The following PWWP3A variants were observed in gnomAD, a reference collection of about 807,000 sequenced individuals.
The protein encoded by PWWP3A is PWWP domain containing 3A, DNA repair factor, also known as PWWP domain-containing DNA repair factor 3A.
PWWP3A carries 53 observed loss-of-function variants against 79.0 expected under a neutral mutation model. That is an observed-to-expected ratio of 0.67 (90% CI 0.54 to 0.84). The LOEUF (loss-of-function observed/expected upper bound fraction) is 0.84. PWWP3A is among the 40% of genes least tolerant of loss of function. PWWP3A has a pLI of 0.00. For synonymous variants in PWWP3A, 443 were observed against 394.4 expected (o/e 1.12, Z -1.46); for missense variants, 973 against 948.0 (o/e 1.03, Z -0.35).
chr19:1,366,503 G>A lies in PWWP3A; in HGVS notation c.1361+122G>A, dbSNP rs150813335. The A allele has an allele frequency of 3.8e-4, 327 of 866,608 alleles. 4 individuals are homozygous for A. In the Middle Eastern group the frequency reaches 0.016, roughly 42 times the overall value. The allele number at this position is 866,608 out of a possible 1,614,324, so 53.7% of individuals were successfully genotyped here. A position where few individuals can be genotyped will look rare whatever the true frequency, so the allele number is the denominator to read the frequency against. ...AGGCCCCGGCAGGAGTCCAGGCCCG[G>A]GCAGGGCTAGTGAGGTCTCACTGGA... On this transcript the variant is annotated intron_variant, in intron 8 of 13. Transcript: ENST00000591337.
At chr19:1,370,559 G>T (rs925222964) in intron 11 of PWWP3A, 83 bp from the exon 12 acceptor site, 1 of 1,272,228 alleles carries the variant, frequency 7.9e-7, no homozygotes, top group Non-Finnish European at 1.1e-6. Flanking sequence ...CTGCCATGTC[G>T]CAGCCTCCCA....
Position 1,369,316 on chromosome 19 carries a change from A to G in PWWP3A, c.1474A>G (p.Ile492Val), listed in dbSNP as rs1180592665. 6.2e-7 allele frequency: 1 copy of G among 1,613,916 alleles called. No individual in the cohort carries two copies. Among genetic ancestry groups the G allele is most frequent in the African/African-American group, 1.3e-5 (1 of 75,050 alleles). Reference protein sequence around the residue: ...NQDIGWCVSLITDYRVRLGCG... With the variant: ...NQDIGWCVSLVTDYRVRLGCG... ...GGACATCGGCTGGTGTGTCTCCCTC[A>G]TCACCGACTACAGGGTCCGGTTAGG... Residue 492 changes from isoleucine (I) to valine (V), a missense_variant, in exon 10 of 14, where the codon ATC becomes GTC. Physicochemically the swap from Ile to Val is conservative, Grantham distance 29. Transcript: ENST00000591337. This position sits in a 1 kb window ranked among gnomAD's most constrained non-coding sequence, Gnocchi z 4.0.
chr19:1,362,418 C>T (rs899952400), intron 6 of PWWP3A, 67 bp downstream of exon 6: 72 of 1,241,792 alleles, frequency 5.8e-5, no homozygotes, highest in South Asian at 4.4e-4. Flanking sequence ...GGCGGGGCTC[C>T]GAGACCGGGC....
At chr19:1,364,164 C>G (rs151043832) in intron 6 of PWWP3A, 2 of 541,752 alleles carry the variant, frequency 3.7e-6, no homozygotes, top group Admixed American at 3.8e-5. Context: ...TGTCTTCCCG[C>G]GGGGTTTAGA....
At chr19:1,376,472 AAC>A (rs1325597343) in intron 13 of PWWP3A, 45 bp from the exon 14 acceptor site, 2 of 1,595,180 alleles carry the variant, frequency 1.3e-6, no homozygotes, top group Non-Finnish European at 8.6e-7. Context: ...CATATTCTTT[AAC>A]ACACAATGAT....
chr19:1,359,841 C>T (rs1335862926), intron 4 of PWWP3A: 5 of 263,074 alleles, frequency 1.9e-5, no homozygotes, highest in Non-Finnish European at 3.5e-5. Flanking sequence ...ATACATTTTG[C>T]TCACGGTATT....
At chr19:1,376,311 G>GTTTTTTTTTTTTTTTTT (rs371207367) in intron 13 of PWWP3A, among the ~76,000 whole-genome samples, 2 of 69,888 alleles carry the variant, frequency 2.9e-5, no homozygotes, top group South Asian at 6.0e-4. Context: ...TTTTTTGTTT[G>GTTTTTTTTTTTTTTTTT]TTTTTTTTTT....
At position 1,371,030 on chromosome 19, in the gene PWWP3A, C is replaced by T. The variant is rs1399031664; in HGVS notation, c.1938C>T (p.Arg646=). The T allele has an allele frequency of 1.9e-6, 3 of 1,574,934 alleles. No individual in the cohort carries two copies. Among genetic ancestry groups the T allele is most frequent in the South Asian group, 1.2e-5 (1 of 85,856 alleles). ...AGGTGGGGGCCAAGGTGCTCCAGCG[C>T]ACCAACGGCGACCGGATCCGGTTCA... The part of the protein sequence containing the change: ...YQEVGAKVLQ[R]TNGDRIRFIL... The change falls in exon 12 of 14, where the codon CGC becomes CGT. Residue 646 remains arginine, a synonymous_variant. Transcript: ENST00000591337.
In PWWP3A at chr19:1,369,552, C is replaced by A. The variant is rs761965765; in HGVS notation, c.1499-44C>A. On this transcript the variant is annotated intron_variant, in intron 10 of 13. Transcript: ENST00000591337. The surrounding 1 kb of genome is among the most constrained non-coding windows in gnomAD (Gnocchi z 4.0). Reference sequence around the variant, plus strand: ...CCCCTGGAACACACTTCCTGGGACTCCTCTTAGGTCTACACAGTGCTCTCT... The same window carrying A: ...CCCCTGGAACACACTTCCTGGGACTACTCTTAGGTCTACACAGTGCTCTCT... The A allele has an allele frequency of 6.2e-6, 10 of 1,610,112 alleles. No homozygotes were observed. The highest frequency in any genetic ancestry group is 4.5e-5 in the East Asian group (2 of 44,892).
At position 1,369,178 on chromosome 19, in the gene PWWP3A, G is replaced by A. The variant is rs1431639653; in HGVS notation, c.1423-87G>A. The A allele has an allele frequency of 8.0e-7, 1 of 1,251,992 alleles. No individual in the cohort carries two copies. The highest frequency in any genetic ancestry group is 1.2e-6 in the Non-Finnish European group (1 of 864,024). The allele number at this position is 1,251,992 out of a possible 1,614,324, so 77.6% of individuals were successfully genotyped here. A position where few individuals can be genotyped will look rare whatever the true frequency, so the allele number is the denominator to read the frequency against. Reference sequence around the variant, plus strand: ...GGAGCGTGAGCAGCCTGGACACCTGGCTGGTCCCTGGGCTCTGCGTGGCTT... The same window carrying A: ...GGAGCGTGAGCAGCCTGGACACCTGACTGGTCCCTGGGCTCTGCGTGGCTT... On this transcript the variant is annotated intron_variant, in intron 9 of 13. Coordinates refer to ENST00000591337, the MANE Select transcript of PWWP3A (RefSeq NM_001369789.1). The surrounding 1 kb of genome is among the most constrained non-coding windows in gnomAD (Gnocchi z 4.0).
In PWWP3A at chr19:1,360,203, T is replaced by A; in HGVS notation, c.282T>A (p.Ala94=). 1 of 1,612,618 alleles carries A rather than the reference T, an allele frequency of 6.2e-7. No individual in the cohort carries two copies. The highest frequency in any genetic ancestry group is 2.2e-5 in the East Asian group (1 of 44,862). ...ELAYRRSLRV[A]LDVLSEGSIW... is the part of the protein sequence containing the mutation. Reference sequence around the variant, plus strand: ...CCTACAGACGGTCGCTTCGCGTGGCTCTGGACGTTCTGAGCGAGGGCTCGA... The same window carrying A: ...CCTACAGACGGTCGCTTCGCGTGGCACTGGACGTTCTGAGCGAGGGCTCGA... Residue 94 remains alanine (A), a synonymous_variant, in exon 5 of 14, where the codon GCT becomes GCA. Coordinates refer to ENST00000591337, the MANE Select transcript of PWWP3A (RefSeq NM_001369789.1). The surrounding 1 kb of genome is among the most constrained non-coding windows in gnomAD (Gnocchi z 4.4).
rs1167174751 is a variant in PWWP3A at position 1,369,713 on chromosome 19, A to G, written c.1549+67A>G. 7.1e-6 allele frequency: 11 copies of G among 1,550,100 alleles called. No homozygotes were observed. The highest frequency in any genetic ancestry group is 4.1e-5 in the African/African-American group (3 of 73,526). ...TAGCCCTTTAGAAAAACAATCTTCT[A>G]TGTCTGAAGCTGTGGAAGGGGACGT... is the stretch of plus-strand genomic sequence containing the variant. On this transcript the variant is annotated intron_variant, in intron 11 of 13. Coordinates refer to ENST00000591337, the MANE Select transcript of PWWP3A (RefSeq NM_001369789.1). The surrounding 1 kb of genome is among the most constrained non-coding windows in gnomAD (Gnocchi z 4.0).
Position 1,358,384 on chromosome 19 carries a change from GTC to G in PWWP3A, c.144-6_144-5del, listed in dbSNP as rs752721995. Reference sequence around the variant, plus strand: ...GCTGGTGGTGTGTAACGTCGATTTTGTCTCTGCAGAATTAAGGTGAAAAGCAC... The same window carrying G: ...GCTGGTGGTGTGTAACGTCGATTTTGTCTGCAGAATTAAGGTGAAAAGCAC... On this transcript the variant is annotated splice_polypyrimidine_tract_variant and splice_region_variant and intron_variant, in intron 3 of 13. Coordinates refer to ENST00000591337, the MANE Select transcript of PWWP3A (RefSeq NM_001369789.1). 5 of 1,604,896 alleles carry G rather than the reference GTC, an allele frequency of 3.1e-6. No individual in the cohort carries two copies. The highest frequency in any genetic ancestry group is 4.3e-6 in the Non-Finnish European group (5 of 1,172,556).
At chr19:1,364,082 C>T in intron 6 of PWWP3A, 1 of 500,486 alleles carries the variant, frequency 2.0e-6, no homozygotes, top group South Asian at 1.5e-5. Flanking sequence ...TTTAGAATCT[C>T]AGTCCTTGTG....
At chr19:1,356,175 T>TGG in intron 1 of PWWP3A, 149 bp from the exon 2 acceptor site, 1 of 552,630 alleles carries the variant, frequency 1.8e-6, no homozygotes. Context: ...GTCAGTCTGC[T>TGG]TTTTGGCATT....
intron 6 of PWWP3A, chr19:1,364,053 G>A: frequency 2.2e-6 from 1 of 448,988 alleles, no homozygotes; most frequent in Non-Finnish European, 4.5e-6. Flanking sequence ...ATTTTTGACT[G>A]TAGTTTCCCA....
In PWWP3A at chr19:1,355,042, G is replaced by C. The variant is rs562955253; in HGVS notation, c.-163G>C. The C allele has an allele frequency of 6.6e-6, 1 of 151,012 alleles. No individual in the cohort carries two copies. Among genetic ancestry groups the C allele is most frequent in the Non-Finnish European group, 1.5e-5 (1 of 67,886 alleles). The allele number at this position is 151,012 out of a possible 1,614,324, so 9.4% of individuals were successfully genotyped here. On this transcript the variant is annotated 5_prime_UTR_variant, in exon 1 of 14. Coordinates refer to ENST00000591337, the MANE Select transcript of PWWP3A (RefSeq NM_001369789.1). ...GGCGGTGAGCGCGGGCGGCGCGGAC[G>C]GCAGCGGTTGGCGGGCGGGTCCTCC...
intron 13 of PWWP3A, among the ~76,000 whole-genome samples, 196 bp from the exon 14 acceptor site, chr19:1,376,323 T>G (rs2082399811): frequency 7.4e-6 from 1 of 135,720 alleles, no homozygotes; most frequent in Non-Finnish European, 1.6e-5. Context: ...TTTTTTTTTT[T>G]TTTGGTATTT....
intron 13 of PWWP3A, among the ~76,000 whole-genome samples, chr19:1,374,904 C>T (rs1025338479): frequency 2.6e-5 from 4 of 151,924 alleles, no homozygotes; most frequent in African/African-American, 7.3e-5. Context: ...AACACCCTGT[C>T]TCTAAAAATA....
Sources: allele counts gnomAD v4.1 joint callset (sites outside exome capture counted in the v4.1 genomes callset), GRCh38; gene constraint gnomAD v4.1.1; non-coding constraint Gnocchi (gnomAD v3.1); transcripts MANE v1.5; gene names NCBI Gene and HGNC (gene_info 2026-07-23, HGNC 2026-07-21).